C2CD2: variants seen among roughly 807,000 people sequenced by gnomAD.
C2CD2 encodes the protein C2 domain-containing protein 2.
Under a neutral mutation model 74.3 loss-of-function variants are expected in C2CD2, and 43 were observed. That is an observed-to-expected ratio of 0.58 (90% CI 0.45 to 0.75). C2CD2 has a LOEUF of 0.75. Ranked by LOEUF, C2CD2 falls within the 30% of genes least tolerant of loss-of-function variation. The pLI is 0.00. For missense variants in C2CD2, 801 were observed against 916.3 expected (o/e 0.87, Z 1.63); for synonymous variants, 422 against 390.7 (o/e 1.08, Z -0.94).
intron 12 of C2CD2, among the ~76,000 whole-genome samples, chr21:41,900,108 T>TA (rs2064876030): frequency 6.6e-6 from 1 of 151,704 alleles, no homozygotes; most frequent in Non-Finnish European, 1.5e-5. Context: ...CGTCTCTACT[T>TA]AAAAAAGTAC....
At chr21:41,902,201 A>G (rs896559480) in intron 11 of C2CD2, among the ~76,000 whole-genome samples, 2 of 152,242 alleles carry the variant, frequency 1.3e-5, no homozygotes, top group Non-Finnish European at 2.9e-5. Context: ...ACAAAAAAAA[A>G]ATATCTAACC....
rs1304555595 is a variant in C2CD2 at position 41,897,875 on chromosome 21, G to C, written c.1870+1178C>G. ...ATGCTGCACTGTGAGGCTGCCTTGT[G>C]GGGGCGTGTCCTGTGCACGGCAGGG... On this transcript the variant is annotated intron_variant, in intron 13 of 13. Coordinates refer to ENST00000380486, the MANE Select transcript of C2CD2 (RefSeq NM_015500.2). Among the ~76,000 whole-genome samples the C allele has an allele frequency of 2.0e-5, 3 of 152,216 alleles. No individual in the cohort carries two copies. The East Asian group carries it at 5.8e-4, about 29-fold the overall frequency.
rs1431051162 is a variant in C2CD2 at position 41,901,587 on chromosome 21, C to A, written c.1560+35G>T. On this transcript the variant is annotated intron_variant, in intron 12 of 13. Transcript: ENST00000380486. Reference sequence around the variant, plus strand: ...GGAGCAGCAGGTCACTGACAGATGACCAGATGAACACCTCCCCAGCCACCA... The same window carrying A: ...GGAGCAGCAGGTCACTGACAGATGAACAGATGAACACCTCCCCAGCCACCA... 13 of 1,612,258 alleles carry A rather than the reference C, an allele frequency of 8.1e-6. No individual in the cohort carries two copies. In the Admixed American group the frequency reaches 8.3e-5, roughly 10 times the overall value.
rs912946029 is a variant in C2CD2, at chr21:41,914,821, G to GGT, written c.721-102_721-101dup. The GGT allele has an allele frequency of 3.2e-5, 32 of 998,684 alleles. No homozygotes were observed. The African/African-American group carries it at 4.6e-4, about 14-fold the overall frequency. The allele number at this position is 998,684 out of a possible 1,614,324, so 61.9% of individuals were successfully genotyped here. A position where few individuals can be genotyped will look rare whatever the true frequency, so the allele number is the denominator to read the frequency against. On this transcript the variant is annotated intron_variant, in intron 5 of 13. Transcript: ENST00000380486. ...CTGTTATGGGGGGTGGTGGCAGTGG[G>GGT]GTGTCTACAGGAAAACCTGCACAGG... is the stretch of plus-strand genomic sequence containing the variant.
chr21:41,910,166 G>C (rs1008434227), intron 7 of C2CD2, among the ~76,000 whole-genome samples: 2 of 152,082 alleles, frequency 1.3e-5, no homozygotes, highest in Admixed American at 6.6e-5. Flanking sequence ...AAATTTTGTG[G>C]ATGTCTTTCT....
intron 5 of C2CD2, among the ~76,000 whole-genome samples, chr21:41,915,542 T>C (rs973452150): frequency 6.6e-5 from 10 of 152,050 alleles, no homozygotes; most frequent in African/African-American, 2.2e-4. Context: ...GTGCAAGCGA[T>C]TCTCCTGCCT....
chr21:41,935,933 T>C (rs562076973), intron 2 of C2CD2, among the ~76,000 whole-genome samples: 13 of 151,984 alleles, frequency 8.6e-5, no homozygotes, highest in African/African-American at 3.1e-4. Flanking sequence ...CTCACACATA[T>C]ATAAAAATCA....
chr21:41,898,957 A>C (rs2146144008), intron 13 of C2CD2, 96 bp downstream of exon 13: 1 of 927,046 alleles, frequency 1.1e-6, no homozygotes, highest in East Asian at 2.4e-5. Flanking sequence ...TGTAGGGGAC[A>C]AAGGGAAGGA....
intron 13 of C2CD2, chr21:41,894,699 A>C: frequency 2.2e-6 from 1 of 456,902 alleles, no homozygotes; most frequent in Non-Finnish European, 4.4e-6. Flanking sequence ...GGAGGATTCC[A>C]GCCATGCGGA....
chr21:41,929,623 T>C lies in C2CD2; in HGVS notation c.379-7538A>G, dbSNP rs1222818432. Among the ~76,000 whole-genome samples the C allele has an allele frequency of 6.6e-6, 1 of 152,250 alleles. No individual in the cohort carries two copies. Among genetic ancestry groups the C allele is most frequent in the Non-Finnish European group, 1.5e-5 (1 of 68,042 alleles). On this transcript the variant is annotated intron_variant, in intron 2 of 13. Transcript: ENST00000380486. This position sits in a 1 kb window ranked among gnomAD's most constrained non-coding sequence, Gnocchi z 4.6. The stretch of plus-strand genomic sequence containing the variant: ...TCAGTTCCAGCTGATGGTTATACCA[T>C]TGGGAGCCTCCATTTACTTAGAAAT...
In C2CD2 at chr21:41,953,749, C is replaced by A. The variant is rs2065470736; in HGVS notation, c.-101G>T. 3.6e-6 allele frequency: 4 copies of A among 1,121,648 alleles called. No individual in the cohort carries two copies. Among genetic ancestry groups the A allele is most frequent in the Non-Finnish European group, 3.4e-6 (3 of 889,784 alleles). The allele number at this position is 1,121,648 out of a possible 1,614,324, so 69.5% of individuals were successfully genotyped here. A position where few individuals can be genotyped will look rare whatever the true frequency, so the allele number is the denominator to read the frequency against. Reference sequence around the variant, plus strand: ...GGCTGCGGCCACAGCGCGCTGGGGGCGTGGAGGGGGCGCGGCGGGGTCGGA... The same window carrying A: ...GGCTGCGGCCACAGCGCGCTGGGGGAGTGGAGGGGGCGCGGCGGGGTCGGA... On this transcript the variant is annotated 5_prime_UTR_variant, in exon 1 of 14. Transcript: ENST00000380486.
At chr21:41,898,915 TG>T in intron 13 of C2CD2, 137 bp downstream of exon 13, 1 of 708,324 alleles carries the variant, frequency 1.4e-6, no homozygotes, top group Non-Finnish European at 2.5e-6. Context: ...AGGGCATTTC[TG>T]GAGGGGCAGG....
intron 6 of C2CD2, 111 bp from the exon 7 acceptor site, chr21:41,912,551 C>T (rs966075773): frequency 2.1e-5 from 9 of 431,278 alleles, no homozygotes; most frequent in African/African-American, 6.3e-5. Flanking sequence ...AGTGCAGTGG[C>T]GCAATCTCGG....
In C2CD2 at chr21:41,928,255, C is replaced by A. The variant is rs7279184; in HGVS notation, c.379-6170G>T. ...ACCAACCGACGAAACCTCGGGGCCA[C>A]CACAGGTCTTTCACTCTGTTTCCTC... On this transcript the variant is annotated intron_variant, in intron 2 of 13. Transcript: ENST00000380486. Among the ~76,000 whole-genome samples the A allele has an allele frequency of 8.2e-3, 1,247 of 152,296 alleles. 14 individuals carry two copies. The highest frequency in any genetic ancestry group is 0.028 in the African/African-American group (1,155 of 41,556).
At chr21:41,933,729 G>C (rs1485309893) in intron 2 of C2CD2, among the ~76,000 whole-genome samples, 1 of 152,184 alleles carries the variant, frequency 6.6e-6, no homozygotes, top group Non-Finnish European at 1.5e-5. Flanking sequence ...ATCCAGGCTG[G>C]CAAGAGCGAC....
intron 1 of C2CD2, among the ~76,000 whole-genome samples, chr21:41,942,473 C>T (rs893248653): frequency 3.3e-5 from 5 of 152,136 alleles, no homozygotes; most frequent in Admixed American, 2.0e-4. Flanking sequence ...TGGGAGAAGG[C>T]TGGGAAAGGA....
intron 2 of C2CD2, among the ~76,000 whole-genome samples, chr21:41,930,336 G>A (rs2065251580): frequency 6.7e-6 from 1 of 149,880 alleles, no homozygotes; most frequent in South Asian, 2.1e-4. Flanking sequence ...GGGGAGCAGG[G>A]GGAAGTGGAG....
rs1455352905 is a variant in C2CD2 at position 41,894,887 on chromosome 21, A to G, written c.1870+4166T>C. 3 of 456,626 alleles carry G rather than the reference A, an allele frequency of 6.6e-6. No homozygotes were observed. The East Asian group carries it at 2.1e-4, about 32-fold the overall frequency. The allele number at this position is 456,626 out of a possible 1,614,324, so 28.3% of individuals were successfully genotyped here. On this transcript the variant is annotated intron_variant, in intron 13 of 13. Coordinates refer to ENST00000380486, the MANE Select transcript of C2CD2 (RefSeq NM_015500.2). ...TTGTGAGGGTCAAGGCTGAGACAGG[A>G]GCACACTCTTGTCTGCTGGGCAGTA...
At chr21:41,893,046 C>G (rs2064774951) in intron 13 of C2CD2, among the ~76,000 whole-genome samples, 1 of 152,228 alleles carries the variant, frequency 6.6e-6, no homozygotes, top group South Asian at 2.1e-4. Flanking sequence ...GTGGCTCAGG[C>G]CTGTAATCCC....
Sources: allele counts gnomAD v4.1 joint callset (sites outside exome capture counted in the v4.1 genomes callset), GRCh38; gene constraint gnomAD v4.1.1; non-coding constraint Gnocchi (gnomAD v3.1); transcripts MANE v1.5; gene names NCBI Gene and HGNC (gene_info 2026-07-23, HGNC 2026-07-21).